Variants in PRKN observed in about 807,000 individuals in gnomAD.
The protein encoded by PRKN is parkin RBR E3 ubiquitin protein ligase.
Under a neutral mutation model 59.5 loss-of-function variants are expected in PRKN, and 56 were observed. The ratio of observed to expected loss-of-function variants is 0.94; its 90% confidence interval spans 0.76 to 1.18. The LOEUF is 1.18. Among genes scored for constraint, PRKN ranks in the 50% most tolerant of loss-of-function variants. The probability of loss-of-function intolerance (pLI) is 0.00; values close to 1 mark genes in which losing one functional copy is unlikely to be tolerated. For missense variants in PRKN, 657 were observed against 596.4 expected (o/e 1.10, Z -1.06); for synonymous variants, 250 against 222.1 (o/e 1.13, Z -1.12).
intron 3 of PRKN, among the ~76,000 whole-genome samples, chr6:162,255,036 G>A (rs1376545860): frequency 6.6e-6 from 1 of 151,052 alleles, no homozygotes; most frequent in African/African-American, 2.4e-5. Flanking sequence ...TGTGGTGGAG[G>A]TGATCAAACT....
intron 4 of PRKN, among the ~76,000 whole-genome samples, chr6:162,191,119 G>A (rs1306291045): frequency 6.6e-6 from 1 of 152,188 alleles, no homozygotes; most frequent in Non-Finnish European, 1.5e-5. Flanking sequence ...AGAAACTGAT[G>A]AGTTCAGGAA....
At chr6:161,837,113 T>C (rs1792789685) in intron 6 of PRKN, among the ~76,000 whole-genome samples, 1 of 152,192 alleles carries the variant, frequency 6.6e-6, no homozygotes, top group Admixed American at 6.5e-5. Flanking sequence ...GGGGACGCTC[T>C]GCCTGTGACA....
chr6:161,660,828 T>A (rs1164737546), intron 7 of PRKN, among the ~76,000 whole-genome samples: 1 of 152,138 alleles, frequency 6.6e-6, no homozygotes, highest in African/African-American at 2.4e-5. Flanking sequence ...CTGACTCAGT[T>A]TGAACATCCC....
chr6:162,115,284 G>A (rs1012935526), intron 4 of PRKN, among the ~76,000 whole-genome samples: 1 of 139,060 alleles, frequency 7.2e-6, no homozygotes, highest in Non-Finnish European at 1.5e-5. Flanking sequence ...TCATAGGTGG[G>A]AATTGAATAA....
At chr6:162,076,954 T>G (rs1778854196) in intron 4 of PRKN, among the ~76,000 whole-genome samples, 1 of 152,104 alleles carries the variant, frequency 6.6e-6, no homozygotes, top group South Asian at 2.1e-4. Context: ...CTCAGAGAAC[T>G]GCAACTCCCA....
chr6:161,470,510 C>G lies in PRKN; in HGVS notation c.1083+78344G>C, dbSNP rs185538543. ...CCTGAGAAGCACTCCCAGTCTAACC[C>G]TTTGACCCACTCAAGAGATGTCCTA... On this transcript the variant is annotated intron_variant, in intron 9 of 11. Coordinates refer to ENST00000366898, the MANE Select transcript of PRKN (RefSeq NM_004562.3). This position sits in a 1 kb window ranked among gnomAD's most constrained non-coding sequence, Gnocchi z 5.1. Among the ~76,000 whole-genome samples the G allele has an allele frequency of 2.2e-4, 34 of 152,314 alleles. 1 individual carries two copies. In the East Asian group the frequency reaches 6.6e-3, roughly 29 times the overall value.
At chr6:162,468,303 T>C (rs376871222) in intron 1 of PRKN, among the ~76,000 whole-genome samples, 2 of 152,212 alleles carry the variant, frequency 1.3e-5, no homozygotes, top group African/African-American at 2.4e-5. Flanking sequence ...ATGAGAAAAC[T>C]GAAATCTTTT....
intron 1 of PRKN, among the ~76,000 whole-genome samples, chr6:162,577,164 T>C (rs1220185724): frequency 6.6e-6 from 1 of 151,678 alleles, no homozygotes; most frequent in Non-Finnish European, 1.5e-5. Context: ...TATAAAAAGC[T>C]CTGATAAATA....
intron 2 of PRKN, among the ~76,000 whole-genome samples, chr6:162,317,668 T>G (rs1402114426): frequency 1.3e-5 from 2 of 152,018 alleles, no homozygotes; most frequent in Admixed American, 6.6e-5. Context: ...CTGAAAGTAG[T>G]CTGCCTGAAG....
intron 6 of PRKN, among the ~76,000 whole-genome samples, chr6:161,876,713 A>ATTTTCTACT (rs1343511854): frequency 6.6e-6 from 1 of 152,122 alleles, no homozygotes; most frequent in Non-Finnish European, 1.5e-5. Context: ...TGATTTTGAA[A>ATTTTCTACT]ATATTCTTTT....
At chr6:162,594,903 G>A (rs976702689) in intron 1 of PRKN, among the ~76,000 whole-genome samples, 8 of 152,224 alleles carry the variant, frequency 5.3e-5, no homozygotes, top group East Asian at 3.9e-4. Flanking sequence ...AGCTGGGCGC[G>A]GTGGCTCACG....
Position 161,424,892 on chromosome 6 carries a change from C to T in PRKN, c.1084-38015G>A, listed in dbSNP as rs576367283. Among the ~76,000 whole-genome samples the T allele has an allele frequency of 3.9e-5, 6 of 152,196 alleles. 1 individual carries two copies. The South Asian group carries it at 8.3e-4, about 21-fold the overall frequency. On this transcript the variant is annotated intron_variant, in intron 9 of 11. Coordinates refer to ENST00000366898, the MANE Select transcript of PRKN (RefSeq NM_004562.3). ...TCTTAATTCTAAGAGACAGCAGCCACGATGTGGGAAGAACTTCCTAGTTAA... is the reference window on the plus strand; with the variant it reads ...TCTTAATTCTAAGAGACAGCAGCCATGATGTGGGAAGAACTTCCTAGTTAA...
chr6:162,661,988 C>T (rs1778903094), intron 1 of PRKN, among the ~76,000 whole-genome samples: 1 of 152,098 alleles, frequency 6.6e-6, no homozygotes, highest in Non-Finnish European at 1.5e-5. Context: ...TTTGTATTCC[C>T]TAATATCTAT....
chr6:162,363,131 C>CAAAAAAAAAA (rs34722234), intron 2 of PRKN, among the ~76,000 whole-genome samples: 1 of 98,390 alleles, frequency 1.0e-5, no homozygotes, highest in African/African-American at 3.7e-5. Context: ...CCTTCTCAAA[C>CAAAAAAAAAA]AAAAAAAAAA....
rs1411066446 is a variant in PRKN at position 161,458,404 on chromosome 6, G to A, written c.1084-71527C>T. Among the ~76,000 whole-genome samples the A allele has an allele frequency of 2.0e-5, 3 of 152,170 alleles. No homozygotes were observed. Among genetic ancestry groups the A allele is most frequent in the Non-Finnish European group, 2.9e-5 (2 of 68,034 alleles). ...TGCAGCTGATGCAAACCTGGAAGCC[G>A]TTATCACAGCTCCCTGGCCCTCGCC... On this transcript the variant is annotated intron_variant, in intron 9 of 11. Transcript: ENST00000366898. The surrounding 1 kb of genome is among the most constrained non-coding windows in gnomAD (Gnocchi z 6.1).
At position 161,576,225 on chromosome 6, in the gene PRKN, C is replaced by T. The variant is rs1781124143; in HGVS notation, c.872-6809G>A. ...AGCATTATCGTTTTCATAAATAAAGCCAAGCTTATTTTAATCCTTTCTCTC... is the reference window on the plus strand; with the variant it reads ...AGCATTATCGTTTTCATAAATAAAGTCAAGCTTATTTTAATCCTTTCTCTC... On this transcript the variant is annotated intron_variant, in intron 7 of 11. Coordinates refer to ENST00000366898, the MANE Select transcript of PRKN (RefSeq NM_004562.3). This position sits in a 1 kb window ranked among gnomAD's most constrained non-coding sequence, Gnocchi z 4.6. Among the ~76,000 whole-genome samples the T allele has an allele frequency of 6.6e-6, 1 of 152,148 alleles. No homozygotes were observed. Among genetic ancestry groups the T allele is most frequent in the Non-Finnish European group, 1.5e-5 (1 of 68,018 alleles).
chr6:162,472,344 C>T (rs929252423), intron 1 of PRKN, among the ~76,000 whole-genome samples: 8 of 137,482 alleles, frequency 5.8e-5, no homozygotes, highest in Admixed American at 2.2e-4. Context: ...CCTAATGCTA[C>T]CCCTCCCCCC....
chr6:162,307,272 C>T lies in PRKN; in HGVS notation c.172-44507G>A, dbSNP rs58276877. 1.5e-3 allele frequency among the ~76,000 whole-genome samples: 224 copies of T among 151,874 alleles called. 1 individual carries two copies. Among genetic ancestry groups the T allele is most frequent in the African/African-American group, 5.1e-3 (213 of 41,394 alleles). ...AAAATTAGCCAGTCATGCTGGTGGG[C>T]GCCTATAATCCCAGCTACTCAGGAA... On this transcript the variant is annotated intron_variant, in intron 2 of 11. Transcript: ENST00000366898.
At chr6:161,570,437 C>T (rs1780844542) in intron 7 of PRKN, among the ~76,000 whole-genome samples, 1 of 148,206 alleles carries the variant, frequency 6.7e-6, no homozygotes, top group African/African-American at 2.6e-5. Context: ...CTTTGTGGGT[C>T]CACTTATACA....
Sources: gnomAD v4.1 joint callset for allele counts (sites outside exome capture counted in the v4.1 genomes callset) on GRCh38, gnomAD v4.1.1 for gene constraint, Gnocchi (gnomAD v3.1) non-coding constraint, MANE v1.5 for transcripts, NCBI Gene and HGNC (gene_info 2026-07-23, HGNC 2026-07-21) for gene names.